CD3G: variants seen among roughly 807,000 people sequenced by gnomAD.
CD3G encodes T-cell surface glycoprotein CD3 gamma chain.
Under a neutral mutation model 28.3 loss-of-function variants are expected in CD3G, and 24 were observed. That is an observed-to-expected ratio of 0.85 (90% CI 0.61 to 1.19). CD3G has a LOEUF of 1.19. Ranked by LOEUF, CD3G falls within the 50% of genes most tolerant of loss-of-function variation. CD3G has a pLI of 0.00. For missense variants in CD3G, 211 were observed against 210.0 expected (o/e 1.00, Z -0.03); for synonymous variants, 71 against 75.9 (o/e 0.93, Z 0.34).
intron 5 of CD3G, among the ~76,000 whole-genome samples, chr11:118,352,168 A>AT (rs1320986682): frequency 6.6e-6 from 1 of 151,660 alleles, no homozygotes; most frequent in Admixed American, 6.6e-5. Context: ...GTGAGCTGCG[A>AT]TTGTGCCACT....
In CD3G at chr11:118,352,487, G is replaced by C. The variant is rs200121827; in HGVS notation, c.*18G>C. ...GGAATTGAACTCAGGACTCAGAGTA[G>C]GTGGGTTCTTCAATGCCAATTCTAA... is the stretch of plus-strand genomic sequence containing the variant. On this transcript the variant is annotated splice_region_variant and 3_prime_UTR_variant, in exon 6 of 7. Transcript: ENST00000532917. 3.0e-5 allele frequency: 49 copies of C among 1,607,184 alleles called. No homozygotes were observed. Among genetic ancestry groups the C allele is most frequent in the Middle Eastern group, 1.6e-4 (1 of 6,074 alleles).
intron 1 of CD3G, among the ~76,000 whole-genome samples, chr11:118,346,538 A>G (rs1336294194): frequency 1.3e-5 from 2 of 152,084 alleles, no homozygotes; most frequent in East Asian, 3.9e-4. Flanking sequence ...TCAATCAGCC[A>G]GGCACAGTGG....
In CD3G at chr11:118,350,696, T is replaced by C; in HGVS notation, c.439+13T>C. Reference sequence around the variant, plus strand: ...CGCCAGTCGAGAGGTAAAAGAATGCTCTTAGATGAGAGATGGGACCACCTG... The same window carrying C: ...CGCCAGTCGAGAGGTAAAAGAATGCCCTTAGATGAGAGATGGGACCACCTG... On this transcript the variant is annotated intron_variant, in intron 4 of 6. Transcript: ENST00000532917. 1.2e-6 allele frequency: 2 copies of C among 1,613,612 alleles called. No individual in the cohort carries two copies. Among genetic ancestry groups the C allele is most frequent in the Non-Finnish European group, 1.7e-6 (2 of 1,179,870 alleles).
At position 118,351,662 on chromosome 11, in the gene CD3G, G is replaced by A; in HGVS notation, c.474G>A (p.Gln158=). 1 of 1,613,960 alleles carries A rather than the reference G, an allele frequency of 6.2e-7. No individual in the cohort carries two copies. Among genetic ancestry groups the A allele is most frequent in the Non-Finnish European group, 8.5e-7 (1 of 1,179,918 alleles). ...SDKQTLLPND[Q]LYQPLKDRED... is the part of the protein sequence containing the mutation. ...AGCAGACTCTGTTGCCCAATGACCA[G>A]CTCTACCAGGTAAGGGGATGAAGAA... is the stretch of plus-strand genomic sequence containing the variant. The change falls in exon 5 of 7, where the codon CAG becomes CAA. Residue 158 remains glutamine, a synonymous_variant. Coordinates refer to ENST00000532917, the MANE Select transcript of CD3G (RefSeq NM_000073.3).
chr11:118,345,689 T>C (rs1948349248), intron 1 of CD3G, among the ~76,000 whole-genome samples: 1 of 151,432 alleles, frequency 6.6e-6, no homozygotes, highest in Non-Finnish European at 1.5e-5. Context: ...GAGTCAAGAG[T>C]GGGGTCAAGA....
chr11:118,345,019 G>C (rs1948342762), intron 1 of CD3G, among the ~76,000 whole-genome samples: 1 of 152,158 alleles, frequency 6.6e-6, no homozygotes, highest in Non-Finnish European at 1.5e-5. Context: ...GTATAGTATG[G>C]GTGCCTGCAT....
chr11:118,350,888 T>TAAAAA, intron 4 of CD3G: 5 of 684,436 alleles, frequency 7.3e-6, no homozygotes, highest in East Asian at 1.7e-4. Flanking sequence ...GCTCCCTCTG[T>TAAAAA]GAAAAAAAAA....
intron 2 of CD3G, chr11:118,349,397 T>A: frequency 1.1e-6 from 1 of 893,450 alleles, no homozygotes; most frequent in Non-Finnish European, 1.6e-6. Context: ...CTACCCAAAG[T>A]GATCTCATCA....
At chr11:118,349,710 T>A in intron 2 of CD3G, 33 bp from the exon 3 acceptor site, 1 of 1,516,350 alleles carries the variant, frequency 6.6e-7, no homozygotes, top group Non-Finnish European at 9.2e-7. Flanking sequence ...AGAGGCAAGA[T>A]CCTTAATAGA....
rs1357442576 is a variant in CD3G at position 118,353,311 on chromosome 11, A to C, written c.*211A>C. On this transcript the variant is annotated 3_prime_UTR_variant, in exon 7 of 7. Coordinates refer to ENST00000532917, the MANE Select transcript of CD3G (RefSeq NM_000073.3). ...AATAAAAACAAATACTGTGTTTCAG[A>C]AGCGCCACCTATTGGGGAAAATTGT... 6.6e-6 allele frequency: 1 copy of C among 152,172 alleles called. No homozygotes were observed. Among genetic ancestry groups the C allele is most frequent in the Non-Finnish European group, 1.5e-5 (1 of 68,032 alleles). The allele number at this position is 152,172 out of a possible 1,614,324, so 9.4% of individuals were successfully genotyped here. A position where few individuals can be genotyped will look rare whatever the true frequency, so the allele number is the denominator to read the frequency against.
intron 2 of CD3G, 169 bp from the exon 3 acceptor site, chr11:118,349,574 C>A: frequency 1.5e-6 from 1 of 676,658 alleles, no homozygotes; most frequent in South Asian, 1.7e-5. Flanking sequence ...GCAGAATCTC[C>A]CCTCCCCAGA....
intron 2 of CD3G, chr11:118,349,289 G>GA: frequency 7.0e-7 from 1 of 1,429,214 alleles, no homozygotes; most frequent in Non-Finnish European, 9.1e-7. Context: ...AGTAGCTAGG[G>GA]ACACATCTCA....
At chr11:118,352,296 G>C in intron 5 of CD3G, 108 bp from the exon 6 acceptor site, 2 of 887,370 alleles carry the variant, frequency 2.3e-6, no homozygotes, top group South Asian at 2.6e-5. Flanking sequence ...TCAGGACCAT[G>C]AAGTACCCAC....
In CD3G at chr11:118,349,174, G is replaced by A. The variant is rs1948383075; in HGVS notation, c.79+124G>A. The A allele has an allele frequency of 1.3e-5, 21 of 1,606,306 alleles. No homozygotes were observed. In the South Asian group the frequency reaches 2.3e-4, roughly 18 times the overall value. On this transcript the variant is annotated intron_variant, in intron 2 of 6. Coordinates refer to ENST00000532917, the MANE Select transcript of CD3G (RefSeq NM_000073.3). ...AATGAAATGACGGGGATAGAGAGGT[G>A]ATGTCTCTATTGTCAACCAAATCAG... is the stretch of plus-strand genomic sequence containing the variant.
Position 118,351,636 on chromosome 11 carries a change from A to T in CD3G, c.448A>T (p.Lys150Ter). Residue 150 changes from lysine to a stop codon, truncating the protein, a stop_gained, in exon 5 of 7, where the codon AAG becomes TAG. Coordinates refer to ENST00000532917, the MANE Select transcript of CD3G (RefSeq NM_000073.3). LOFTEE classifies it high-confidence loss of function. The stretch of plus-strand genomic sequence containing the variant: ...GTTTCTTTTTTGTGCAGCTTCAGAC[A>T]AGCAGACTCTGTTGCCCAATGACCA... ...DGVRQSRASD[K>*]QTLLPNDQLY... is the part of the protein sequence containing the mutation. The T allele has an allele frequency of 6.2e-7, 1 of 1,614,050 alleles. No individual in the cohort carries two copies. Among genetic ancestry groups the T allele is most frequent in the Non-Finnish European group, 8.5e-7 (1 of 1,179,962 alleles).
chr11:118,355,081 T>C lies in CD3G; in HGVS notation c.*1981T>C, dbSNP rs1434418443. 2 of 152,030 alleles carry C rather than the reference T, an allele frequency of 1.3e-5. No individual in the cohort carries two copies. Among genetic ancestry groups the C allele is most frequent in the Non-Finnish European group, 2.9e-5 (2 of 67,976 alleles). 9.4% of individuals were successfully genotyped at this position (152,030 alleles called of 1,614,324 possible). The stretch of plus-strand genomic sequence containing the variant: ...TTTTATACTTTTTACAGCTTTATGG[T>C]TTTAGCTCTAACAATAAATGTGATT... On this transcript the variant is annotated 3_prime_UTR_variant, in exon 7 of 7. Transcript: ENST00000532917.
chr11:118,350,798 T>C (rs1236668468), intron 4 of CD3G, 115 bp downstream of exon 4: 1 of 1,589,638 alleles, frequency 6.3e-7, no homozygotes, highest in Non-Finnish European at 8.5e-7. Flanking sequence ...GTGTGCATAG[T>C]TGGGTGAGGC....
intron 2 of CD3G, 168 bp from the exon 3 acceptor site, chr11:118,349,575 C>A: frequency 5.9e-6 from 4 of 678,944 alleles, no homozygotes. Flanking sequence ...CAGAATCTCC[C>A]CTCCCCAGAA....
At position 118,353,161 on chromosome 11, in the gene CD3G, T is replaced by G. The variant is rs1228147677; in HGVS notation, c.*61T>G. 1 of 153,060 alleles carries G rather than the reference T, an allele frequency of 6.5e-6. No homozygotes were observed. The highest frequency in any genetic ancestry group is 2.4e-5 in the African/African-American group (1 of 41,438). The allele number at this position is 153,060 out of a possible 1,614,324, so 9.5% of individuals were successfully genotyped here. ...TATTCAGTTCCCAGAATCAAAGCAA[T>G]GCATTTTGGAAAGCTCCTAGCAGAG... On this transcript the variant is annotated 3_prime_UTR_variant, in exon 7 of 7. Coordinates refer to ENST00000532917, the MANE Select transcript of CD3G (RefSeq NM_000073.3).
Sources: allele counts gnomAD v4.1 joint callset (sites outside exome capture counted in the v4.1 genomes callset), GRCh38; gene constraint gnomAD v4.1.1; transcripts MANE v1.5; gene names NCBI Gene and HGNC (gene_info 2026-07-23, HGNC 2026-07-21).